The following LRRC7 variants were observed in gnomAD, a reference collection of about 807,000 sequenced individuals.
LRRC7 encodes leucine-rich repeat-containing protein 7.
LRRC7 carries 23 observed loss-of-function variants against 175.7 expected under a neutral mutation model. The ratio of observed to expected loss-of-function variants is 0.13; its 90% CI spans 0.09 to 0.19. LRRC7 has a LOEUF of 0.19. Ranked by LOEUF, LRRC7 falls within the 10% of genes least tolerant of loss-of-function variation. The pLI is 1.00. For synonymous variants in LRRC7, 685 were observed against 680.9 expected (o/e 1.01, Z -0.09); for missense variants, 1,354 against 1,904.7 (o/e 0.71, Z 5.38).
intron 7 of LRRC7, among the ~76,000 whole-genome samples, chr1:69,921,045 T>C (rs979852864): frequency 4.6e-5 from 7 of 152,158 alleles, no homozygotes; most frequent in African/African-American, 1.7e-4. Flanking sequence ...CCTTAAAACA[T>C]TGGCCAAGGT....
intron 3 of LRRC7, among the ~76,000 whole-genome samples, chr1:69,777,774 G>A (rs1476490007): frequency 9.2e-5 from 14 of 152,140 alleles, no homozygotes. Context: ...TATGACTGAA[G>A]CCTGTGTCAG....
chr1:69,996,122 T>G (rs1446573289), intron 11 of LRRC7, among the ~76,000 whole-genome samples: 2 of 151,474 alleles, frequency 1.3e-5, no homozygotes, highest in African/African-American at 2.4e-5. Context: ...GGTATCTCAT[T>G]GTGGTTTTGA....
At position 70,053,710 on chromosome 1, in the gene LRRC7, G is replaced by A. The variant is rs115796380; in HGVS notation, c.4230+565G>A. The stretch of plus-strand genomic sequence containing the variant: ...TACATAACAGATCCCCACAACAGGA[G>A]TAAAAAGAAAGCCACAACTTGGGAT... On this transcript the variant is annotated intron_variant, in intron 23 of 26. Transcript: ENST00000651989. 3.0e-3 allele frequency among the ~76,000 whole-genome samples: 462 copies of A among 152,134 alleles called. 1 individual carries two copies. Among genetic ancestry groups the A allele is most frequent in the African/African-American group, 0.01 (417 of 41,516 alleles).
chr1:69,576,377 A>T (rs1379073731), intron 1 of LRRC7, among the ~76,000 whole-genome samples: 1 of 152,144 alleles, frequency 6.6e-6, no homozygotes, highest in Non-Finnish European at 1.5e-5. Flanking sequence ...CTAATGCTAA[A>T]ATTCTTAGTC....
At chr1:70,073,011 G>T (rs1388667239) in intron 23 of LRRC7, among the ~76,000 whole-genome samples, 7 of 152,248 alleles carry the variant, frequency 4.6e-5, no homozygotes, top group Non-Finnish European at 8.8e-5. Flanking sequence ...AGACAGACTT[G>T]GTTCAAATGA....
intron 3 of LRRC7, among the ~76,000 whole-genome samples, chr1:69,778,573 T>C (rs1180823731): frequency 6.6e-6 from 1 of 152,178 alleles, no homozygotes; most frequent in African/African-American, 2.4e-5. Flanking sequence ...CAGAAGTGCA[T>C]TGCTGAAGAC....
Position 70,124,489 on chromosome 1 carries a change from C to T in LRRC7, c.*2602C>T, listed in dbSNP as rs1034386703. Among the ~76,000 whole-genome samples, 10 of 152,106 alleles carry T rather than the reference C, an allele frequency of 6.6e-5. No individual in the cohort carries two copies. Among genetic ancestry groups the T allele is most frequent in the African/African-American group, 2.4e-4 (10 of 41,428 alleles). ...GCAGTGAGCTGAGATTGTGCCACTG[C>T]ACTCCGGCCTGGGCAACAGAGCGAA... On this transcript the variant is annotated 3_prime_UTR_variant, in exon 27 of 27. Transcript: ENST00000651989.
At chr1:69,978,946 A>C (rs1016508386) in intron 8 of LRRC7, among the ~76,000 whole-genome samples, 2 of 151,886 alleles carry the variant, frequency 1.3e-5, no homozygotes, top group Non-Finnish European at 2.9e-5. Flanking sequence ...AAAAAAAAAA[A>C]AAAAACAGAA....
chr1:69,829,696 T>G (rs1029440375), intron 5 of LRRC7, among the ~76,000 whole-genome samples: 1 of 151,870 alleles, frequency 6.6e-6, no homozygotes, highest in Non-Finnish European at 1.5e-5. Context: ...CAATTACATG[T>G]GAAAAGCCAC....
chr1:69,658,203 C>T (rs1656933523), intron 1 of LRRC7, among the ~76,000 whole-genome samples: 1 of 151,876 alleles, frequency 6.6e-6, no homozygotes, highest in Non-Finnish European at 1.5e-5. Flanking sequence ...TTAGAGATGG[C>T]ATTTCTAAGC....
At chr1:69,657,352 G>A (rs915055774) in intron 1 of LRRC7, among the ~76,000 whole-genome samples, 1 of 151,846 alleles carries the variant, frequency 6.6e-6, no homozygotes, top group Non-Finnish European at 1.5e-5. Flanking sequence ...TTGCATAGAT[G>A]ATTTCATGCA....
chr1:69,747,783 T>A (rs1273702766), intron 2 of LRRC7, among the ~76,000 whole-genome samples: 3 of 151,952 alleles, frequency 2.0e-5, no homozygotes, highest in Non-Finnish European at 4.4e-5. Flanking sequence ...TGATCCCATA[T>A]CATAGACTAA....
chr1:69,840,225 A>C (rs558407941), intron 7 of LRRC7, among the ~76,000 whole-genome samples: 1 of 152,156 alleles, frequency 6.6e-6, no homozygotes, highest in African/African-American at 2.4e-5. Context: ...GGTCTATAGA[A>C]TGAGAATTGC....
At chr1:69,861,084 A>C (rs1261528409) in intron 7 of LRRC7, among the ~76,000 whole-genome samples, 1 of 152,092 alleles carries the variant, frequency 6.6e-6, no homozygotes, top group Non-Finnish European at 1.5e-5. Context: ...TAATTGTAAA[A>C]ATTAAAATTA....
chr1:69,744,401 G>C (rs1049329875), intron 2 of LRRC7, among the ~76,000 whole-genome samples: 2 of 151,788 alleles, frequency 1.3e-5, no homozygotes, highest in Non-Finnish European at 2.9e-5. Flanking sequence ...TTTGGCTCTT[G>C]GTTCAGAGAC....
intron 1 of LRRC7, among the ~76,000 whole-genome samples, chr1:69,600,728 C>T (rs1421219583): frequency 6.7e-6 from 1 of 149,350 alleles, no homozygotes; most frequent in African/African-American, 2.5e-5. Flanking sequence ...GTACAAGATA[C>T]TCCAGGCTTA....
chr1:69,765,334 A>G (rs913842085), intron 3 of LRRC7, among the ~76,000 whole-genome samples: 7 of 152,126 alleles, frequency 4.6e-5, no homozygotes, highest in Non-Finnish European at 1.0e-4. Flanking sequence ...GTAAAAACAA[A>G]TCAGAATCTC....
intron 1 of LRRC7, among the ~76,000 whole-genome samples, chr1:69,577,895 A>G (rs1195024785): frequency 6.6e-6 from 1 of 152,116 alleles, no homozygotes; most frequent in Non-Finnish European, 1.5e-5. Context: ...ACTTTAAAGT[A>G]GTTTTTTCCA....
Position 69,926,435 on chromosome 1 carries a change from G to T in LRRC7, c.648-5072G>T, listed in dbSNP as rs536803312. ...TTAAAGTCTCCCATTATTATTGTGT[G>T]GGAGTCTAAGTCTCTTTGTAGGTCA... is the stretch of plus-strand genomic sequence containing the variant. On this transcript the variant is annotated intron_variant, in intron 7 of 26. Transcript: ENST00000651989. Among the ~76,000 whole-genome samples, 83 of 137,262 alleles carry T rather than the reference G, an allele frequency of 6.0e-4. 1 individual carries two copies. The highest frequency in any genetic ancestry group is 2.1e-3 in the African/African-American group (79 of 38,412). 90.0% of individuals were successfully genotyped at this position (137,262 alleles called of 152,430 possible).
Sources: allele counts gnomAD v4.1 joint callset (sites outside exome capture counted in the v4.1 genomes callset), GRCh38; gene constraint gnomAD v4.1.1; transcripts MANE v1.5; gene names NCBI Gene and HGNC (gene_info 2026-07-23, HGNC 2026-07-21).